The following PDE4D variants were observed in gnomAD, a reference collection of about 807,000 sequenced individuals.
PDE4D encodes 3',5'-cyclic-AMP phosphodiesterase 4D.
Under a neutral mutation model 87.4 loss-of-function variants are expected in PDE4D, and 24 were observed. That is an observed-to-expected ratio of 0.27 (90% CI 0.20 to 0.39). The LOEUF (loss-of-function observed/expected upper bound fraction) is 0.39. PDE4D is among the 10% of genes least tolerant of loss of function. The probability of loss-of-function intolerance (pLI) is 1.00; values close to 1 mark genes in which losing one functional copy is unlikely to be tolerated. For synonymous variants in PDE4D, 384 were observed against 383.2 expected (o/e 1.00, Z -0.02); for missense variants, 714 against 1,041.0 (o/e 0.69, Z 4.32).
chr5:59,499,334 C>G (rs1031441130), intron 1 of PDE4D, among the ~76,000 whole-genome samples: 5 of 117,714 alleles, frequency 4.2e-5, no homozygotes, highest in Non-Finnish European at 6.9e-5. Flanking sequence ...AATTAACAAC[C>G]TAAAATCGCA....
chr5:59,088,496 C>T (rs950942397), intron 5 of PDE4D, among the ~76,000 whole-genome samples: 3 of 152,140 alleles, frequency 2.0e-5, no homozygotes, highest in Non-Finnish European at 4.4e-5. Context: ...AAGACACATG[C>T]ATGTGTATGT....
At chr5:60,361,166 G>A (rs1171949364) in intron 1 of PDE4D, among the ~76,000 whole-genome samples, 1 of 152,142 alleles carries the variant, frequency 6.6e-6, no homozygotes, top group African/African-American at 2.4e-5. Context: ...GTAGTATCTA[G>A]CATAGTGATC....
At chr5:60,076,712 T>C (rs1773334581) in intron 2 of PDE4D, among the ~76,000 whole-genome samples, 1 of 152,176 alleles carries the variant, frequency 6.6e-6, no homozygotes, top group Non-Finnish European at 1.5e-5. Context: ...CTGAGTTACT[T>C]CTGGACTGTT....
intron 5 of PDE4D, among the ~76,000 whole-genome samples, chr5:59,172,014 TTA>T (rs1490326309): frequency 1.7e-4 from 8 of 46,852 alleles, no homozygotes; most frequent in East Asian, 9.9e-4. Context: ...TAAATATATA[TTA>T]TATATATAAT....
intron 2 of PDE4D, among the ~76,000 whole-genome samples, chr5:59,988,876 T>G (rs1014620043): frequency 4.6e-5 from 7 of 152,108 alleles, no homozygotes; most frequent in African/African-American, 1.7e-4. Context: ...AATATTTGAT[T>G]AACTAAAATC....
chr5:59,421,406 G>A (rs908934257), intron 1 of PDE4D, among the ~76,000 whole-genome samples: 15 of 152,218 alleles, frequency 9.9e-5, no homozygotes, highest in African/African-American at 3.6e-4. Context: ...GCAATGTGGA[G>A]ATCACTTCAG....
intron 1 of PDE4D, among the ~76,000 whole-genome samples, chr5:60,397,901 C>A (rs532536319): frequency 6.6e-6 from 1 of 152,272 alleles, no homozygotes; most frequent in Admixed American, 6.5e-5. Context: ...TTACCCTAAT[C>A]AATTTGTTCA....
chr5:60,197,084 G>GATAC (rs1423239346), intron 1 of PDE4D, among the ~76,000 whole-genome samples: 4 of 138,780 alleles, frequency 2.9e-5, no homozygotes, highest in Non-Finnish European at 6.1e-5. Flanking sequence ...CAGTTAGATA[G>GATAC]ATAGATAGAT....
At chr5:59,392,211 A>G (rs1788373027) in intron 1 of PDE4D, among the ~76,000 whole-genome samples, 1 of 151,816 alleles carries the variant, frequency 6.6e-6, no homozygotes, top group Non-Finnish European at 1.5e-5. Context: ...CATTTGAGTC[A>G]GTGTGCAGAC....
At chr5:60,364,745 T>C (rs1255086261) in intron 1 of PDE4D, among the ~76,000 whole-genome samples, 3 of 152,228 alleles carry the variant, frequency 2.0e-5, no homozygotes, top group African/African-American at 7.2e-5. Flanking sequence ...ACAGGTGGCA[T>C]TTCTATCAAG....
At chr5:60,458,918 G>A (rs545124813) in intron 1 of PDE4D, among the ~76,000 whole-genome samples, 3 of 152,092 alleles carry the variant, frequency 2.0e-5, no homozygotes, top group African/African-American at 7.2e-5. Flanking sequence ...TTTGAAGCTC[G>A]AAAACAAAGA....
chr5:59,046,442 GTA>G lies in PDE4D; in HGVS notation c.809-7473_809-7472del, dbSNP rs1491086864. Among the ~76,000 whole-genome samples the G allele has an allele frequency of 9.0e-3, 1,361 of 151,020 alleles. 16 individuals carry two copies. Among genetic ancestry groups the G allele is most frequent in the African/African-American group, 0.03 (1,205 of 40,806 alleles). Reference sequence around the variant, plus strand: ...AGAATGTGTGTGTGTGTGTGTGTGTGTATGTGTGTGTAAGAGAAAGGAGTCAG... The same window carrying G: ...AGAATGTGTGTGTGTGTGTGTGTGTGTGTGTGTGTAAGAGAAAGGAGTCAG... On this transcript the variant is annotated intron_variant, in intron 5 of 14. Transcript: ENST00000340635.
chr5:60,256,410 A>G (rs900492523), intron 1 of PDE4D, among the ~76,000 whole-genome samples: 5 of 151,998 alleles, frequency 3.3e-5, no homozygotes, highest in African/African-American at 4.8e-5. Context: ...TATAATCACA[A>G]TCTATTTTAT....
chr5:59,263,686 A>G (rs1762393689), intron 1 of PDE4D, among the ~76,000 whole-genome samples: 1 of 152,068 alleles, frequency 6.6e-6, no homozygotes, highest in African/African-American at 2.4e-5. Flanking sequence ...TCTTTCAAAC[A>G]TAATTTTGCA....
chr5:59,958,689 A>G (rs1284685491), intron 3 of PDE4D, among the ~76,000 whole-genome samples: 2 of 152,146 alleles, frequency 1.3e-5, no homozygotes, highest in East Asian at 1.9e-4. Context: ...AAAGGAATAT[A>G]TCCCAAAATA....
rs530777312 is a variant in PDE4D, at chr5:59,944,968, A to T, written c.272+43520T>A. On this transcript the variant is annotated intron_variant, in intron 3 of 16. Transcript: ENST00000502484. Reference sequence around the variant, plus strand: ...AATATAGACTATATAAAGTATAAATAACCACCCTGGACTATACAGTTATTT... The same window carrying T: ...AATATAGACTATATAAAGTATAAATTACCACCCTGGACTATACAGTTATTT... 5.1e-4 allele frequency among the ~76,000 whole-genome samples: 78 copies of T among 152,356 alleles called. 1 individual carries two copies. The South Asian group carries it at 0.016, about 31-fold the overall frequency.
chr5:60,404,068 A>G (rs766769273), intron 1 of PDE4D, among the ~76,000 whole-genome samples: 79 of 152,130 alleles, frequency 5.2e-4, no homozygotes, highest in Admixed American at 3.9e-3. Context: ...ATCTAGGAAA[A>G]AGGAAGTTCT....
At chr5:58,999,414 TTACAG>T in intron 6 of PDE4D, 1 of 718,734 alleles carries the variant, frequency 1.4e-6, no homozygotes, top group East Asian at 2.6e-5. Context: ...TTTGAACAAA[TTACAG>T]TAGAGTCTAA....
At chr5:60,325,336 TA>T (rs1449559570) in intron 1 of PDE4D, among the ~76,000 whole-genome samples, 1 of 152,206 alleles carries the variant, frequency 6.6e-6, no homozygotes, top group African/African-American at 2.4e-5. Flanking sequence ...TACTGCTTCT[TA>T]AAGATCTAAG....
Sources: gnomAD v4.1 joint callset for allele counts (sites outside exome capture counted in the v4.1 genomes callset) on GRCh38, gnomAD v4.1.1 for gene constraint, MANE v1.5 for transcripts, NCBI Gene and HGNC (gene_info 2026-07-23, HGNC 2026-07-21) for gene names.